The following PTTG1IP2 variants were observed in gnomAD, a reference collection of about 807,000 sequenced individuals.
PTTG1IP2 encodes PTTG1IP family member 2.
intron 6 of PTTG1IP2, among the ~76,000 whole-genome samples, chr7:90,499,671 C>T (rs1798039097): frequency 6.6e-6 from 1 of 152,000 alleles, no homozygotes; most frequent in Non-Finnish European, 1.5e-5. Context: ...GCAACTTCTG[C>T]CTCCCGGGTT....
chr7:90,507,208 A>C (rs369556237), intron 6 of PTTG1IP2, among the ~76,000 whole-genome samples: 23 of 152,204 alleles, frequency 1.5e-4, no homozygotes, highest in African/African-American at 5.3e-4. Flanking sequence ...CTGTAAGTGT[A>C]TGTAGTGATG....
chr7:90,491,478 C>T (rs571823698), intron 4 of PTTG1IP2, among the ~76,000 whole-genome samples: 1 of 152,114 alleles, frequency 6.6e-6, no homozygotes, highest in East Asian at 1.9e-4. Flanking sequence ...CAAAACTTAG[C>T]TGGGCGTGGT....
At chr7:90,494,571 C>T (rs1797972086) in intron 6 of PTTG1IP2, 141 bp downstream of exon 6, 1 of 151,986 alleles carries the variant, frequency 6.6e-6, no homozygotes, top group Non-Finnish European at 1.5e-5. Context: ...ATTTTCAATG[C>T]CCAAAACATG....
intron 6 of PTTG1IP2, among the ~76,000 whole-genome samples, chr7:90,509,240 C>G (rs1350225842): frequency 6.6e-6 from 1 of 151,172 alleles, no homozygotes; most frequent in Non-Finnish European, 1.5e-5. Context: ...AAGATTCAGT[C>G]AGGAAAACCA....
intron 2 of PTTG1IP2, among the ~76,000 whole-genome samples, chr7:90,486,042 G>A (rs963824846): frequency 1.4e-4 from 22 of 152,258 alleles, no homozygotes; most frequent in African/African-American, 4.8e-4. Flanking sequence ...TGATTTGACC[G>A]TTAATCTTGT....
At chr7:90,470,979 A>C (rs1249729976) in intron 1 of PTTG1IP2, among the ~76,000 whole-genome samples, 1 of 151,126 alleles carries the variant, frequency 6.6e-6, no homozygotes, top group Non-Finnish European at 1.5e-5. Flanking sequence ...AAAAAAAAAA[A>C]AGAAAAAAGA....
At chr7:90,472,912 G>T (rs1797707894) in intron 1 of PTTG1IP2, among the ~76,000 whole-genome samples, 2 of 152,166 alleles carry the variant, frequency 1.3e-5, no homozygotes, top group African/African-American at 4.8e-5. Flanking sequence ...AAATGCTGAT[G>T]GGGAACCAGG....
At position 90,507,775 on chromosome 7, in the gene PTTG1IP2, C is replaced by T. The variant is rs1468763378; in HGVS notation, c.*51-5503C>T. Among the ~76,000 whole-genome samples the T allele has an allele frequency of 2.6e-5, 4 of 152,218 alleles. 1 individual carries two copies. Among genetic ancestry groups the T allele is most frequent in the South Asian group, 2.1e-4 (1 of 4,824 alleles). On this transcript the variant is annotated intron_variant, in intron 6 of 6. Coordinates refer to ENST00000509356, the MANE Select transcript of PTTG1IP2 (RefSeq NM_001365443.2). ...TAATTTAAATACCATGTATAAAGCACTTTTTATAGTACCTGACACATAGTA... is the reference window on the plus strand; with the variant it reads ...TAATTTAAATACCATGTATAAAGCATTTTTTATAGTACCTGACACATAGTA...
At chr7:90,471,968 G>A (rs1319194117) in intron 1 of PTTG1IP2, among the ~76,000 whole-genome samples, 1 of 152,144 alleles carries the variant, frequency 6.6e-6, no homozygotes, top group East Asian at 1.9e-4. Flanking sequence ...ACTGGAAAAT[G>A]ACAAACCTCA....
chr7:90,480,249 C>T (rs890560251), intron 2 of PTTG1IP2, among the ~76,000 whole-genome samples: 1 of 152,154 alleles, frequency 6.6e-6, no homozygotes, highest in African/African-American at 2.4e-5. Context: ...TGTACCTACT[C>T]TTTAGCCTCA....
chr7:90,498,184 C>T (rs1394395699), intron 6 of PTTG1IP2, among the ~76,000 whole-genome samples: 2 of 152,134 alleles, frequency 1.3e-5, no homozygotes, highest in Non-Finnish European at 2.9e-5. Flanking sequence ...CGCCACCACG[C>T]CTGGCTAATT....
chr7:90,509,202 T>G (rs1584702787), intron 6 of PTTG1IP2, among the ~76,000 whole-genome samples: 1 of 142,634 alleles, frequency 7.0e-6, no homozygotes, highest in Admixed American at 7.2e-5. Flanking sequence ...GATGGGGAAG[T>G]GGGTTGGGTG....
chr7:90,483,443 T>C (rs919392074), intron 2 of PTTG1IP2, among the ~76,000 whole-genome samples: 137 of 152,200 alleles, frequency 9.0e-4, no homozygotes, highest in African/African-American at 3.1e-3. Flanking sequence ...ATTCACAAAC[T>C]CAAAGCCTTT....
chr7:90,470,015 G>A (rs1797662986), intron 1 of PTTG1IP2, 84 bp downstream of exon 1: 1 of 152,562 alleles, frequency 6.6e-6, no homozygotes, highest in Admixed American at 6.5e-5. Context: ...TGGTGCACTG[G>A]AATTTTCATC....
intron 6 of PTTG1IP2, among the ~76,000 whole-genome samples, chr7:90,505,836 T>G (rs17867684): frequency 0.12 from 17,821 of 151,180 alleles, 1,261 homozygotes; most frequent in Middle Eastern, 0.21. Flanking sequence ...TACAAAAAAT[T>G]AGCCGGGCGC....
chr7:90,481,434 G>A (rs1797814439), intron 2 of PTTG1IP2, among the ~76,000 whole-genome samples: 1 of 152,048 alleles, frequency 6.6e-6, no homozygotes, highest in South Asian at 2.1e-4. Flanking sequence ...CACAATTTCT[G>A]GTCTCACCTG....
At chr7:90,480,397 G>A (rs982071936) in intron 2 of PTTG1IP2, among the ~76,000 whole-genome samples, 5 of 151,522 alleles carry the variant, frequency 3.3e-5, no homozygotes, top group Admixed American at 2.0e-4. Flanking sequence ...AGTTTTTGTT[G>A]TCGTTAAATG....
At chr7:90,495,209 G>T (rs946923233) in intron 6 of PTTG1IP2, among the ~76,000 whole-genome samples, 9 of 152,086 alleles carry the variant, frequency 5.9e-5, no homozygotes, top group Non-Finnish European at 1.5e-5. Flanking sequence ...TTATTGTTTT[G>T]GTGACTTTGA....
chr7:90,485,691 T>C (rs1265126992), intron 2 of PTTG1IP2, among the ~76,000 whole-genome samples: 1 of 152,114 alleles, frequency 6.6e-6, no homozygotes, highest in Admixed American at 6.5e-5. Flanking sequence ...GAGAGAGGCA[T>C]AGGGGAGATT....
Sources: allele counts gnomAD v4.1 joint callset (sites outside exome capture counted in the v4.1 genomes callset), GRCh38; gene constraint gnomAD v4.1.1; transcripts MANE v1.5; gene names NCBI Gene and HGNC (gene_info 2026-07-23, HGNC 2026-07-21).